The following NTM variants were observed in gnomAD, a reference collection of about 807,000 sequenced individuals.
NTM encodes the protein neurotrimin.
In NTM, 13 loss-of-function variants were observed where a neutral mutation model predicts 42.1. The observed-to-expected ratio is 0.31, with a 90% CI of 0.20 to 0.49. The LOEUF (loss-of-function observed/expected upper bound fraction) is 0.49, where lower values mean the gene tolerates loss of function less well. Among genes scored for constraint, NTM ranks in the 20% least tolerant of loss-of-function variants. The pLI is 0.99. For missense variants in NTM, 373 were observed against 452.8 expected, an observed-to-expected ratio of 0.82 and a Z score of 1.60; for synonymous variants, 187 against 179.2, an observed-to-expected ratio of 1.04 and a Z score of -0.35.
intron 1 of NTM, among the ~76,000 whole-genome samples, chr11:131,634,641 G>GA (rs68051318): frequency 0.23 from 33,537 of 147,776 alleles, 3,878 homozygotes; most frequent in African/African-American, 0.27. Context: ...CAACCCACTA[G>GA]AAAAAAGAAA....
chr11:131,596,685 C>T (rs10219244), intron 1 of NTM, among the ~76,000 whole-genome samples: 54,926 of 152,260 alleles, frequency 0.36, 12,877 homozygotes, highest in African/African-American at 0.67. Flanking sequence ...GTCTTCTACC[C>T]GTGTCCCTGT....
intron 1 of NTM, among the ~76,000 whole-genome samples, chr11:131,582,841 A>G (rs1565664986): frequency 6.6e-6 from 1 of 152,056 alleles, no homozygotes; most frequent in Non-Finnish European, 1.5e-5. Context: ...CGTTTGGGGT[A>G]ATGCCATCGC....
intron 3 of NTM, among the ~76,000 whole-genome samples, chr11:132,190,944 GT>G (rs60444346): frequency 1.6e-4 from 24 of 150,536 alleles, no homozygotes; most frequent in Middle Eastern, 3.5e-3. Flanking sequence ...GATATTATTT[GT>G]TTTTTTTTGT....
At chr11:132,253,177 T>G (rs1196916438) in intron 4 of NTM, among the ~76,000 whole-genome samples, 1 of 152,194 alleles carries the variant, frequency 6.6e-6, no homozygotes, top group Admixed American at 6.5e-5. Flanking sequence ...TCTGGTAATC[T>G]TCTATCTCAC....
chr11:131,794,452 G>A lies in NTM; in HGVS notation c.83-117112G>A, dbSNP rs142613384. ...GTGTAAGCGAATGCTGTCACATGAGGCGTTTGCCTTTCCTCCCCACCCGCC... is the reference window on the plus strand; with the variant it reads ...GTGTAAGCGAATGCTGTCACATGAGACGTTTGCCTTTCCTCCCCACCCGCC... On this transcript the variant is annotated intron_variant, in intron 1 of 8. Coordinates refer to ENST00000683400, the MANE Select transcript of NTM (RefSeq NM_001352005.2). 3.6e-5 allele frequency: 35 copies of A among 984,680 alleles called. 1 individual carries two copies. Among genetic ancestry groups the A allele is most frequent in the African/African-American group, 1.0e-4 (6 of 57,324 alleles). The allele number at this position is 984,680 out of a possible 1,614,324, so 61.0% of individuals were successfully genotyped here.
In NTM at chr11:131,481,824, C is replaced by T. The variant is rs565907194; in HGVS notation, c.82+110936C>T. On this transcript the variant is annotated intron_variant, in intron 1 of 8. Coordinates refer to ENST00000683400, the MANE Select transcript of NTM (RefSeq NM_001352005.2). ...TAAAAAAAATTAAAAAATAAAAAAT[C>T]CTTATTTACTTCTCTGGGACACATT... is the stretch of plus-strand genomic sequence containing the variant. 4.2e-4 allele frequency among the ~76,000 whole-genome samples: 64 copies of T among 152,276 alleles called. 1 individual carries two copies. Among genetic ancestry groups the T allele is most frequent in the South Asian group, 2.5e-3 (12 of 4,816 alleles).
intron 1 of NTM, among the ~76,000 whole-genome samples, chr11:131,457,410 G>GA (rs1484428735): frequency 1.3e-5 from 2 of 151,978 alleles, no homozygotes; most frequent in East Asian, 3.9e-4. Flanking sequence ...TGGGGGAAGG[G>GA]AGGAGAGCAG....
At chr11:131,628,242 G>C (rs746049206) in intron 1 of NTM, among the ~76,000 whole-genome samples, 3 of 152,176 alleles carry the variant, frequency 2.0e-5, no homozygotes, top group Non-Finnish European at 4.4e-5. Context: ...CTTATTCACA[G>C]ATCTTTCACG....
chr11:132,115,702 G>T (rs1431929961), intron 2 of NTM, among the ~76,000 whole-genome samples: 1 of 152,198 alleles, frequency 6.6e-6, no homozygotes, highest in Non-Finnish European at 1.5e-5. Context: ...CAGTGTTTCT[G>T]TGACCACTTG....
intron 2 of NTM, among the ~76,000 whole-genome samples, chr11:132,142,395 G>A (rs1316203970): frequency 6.6e-6 from 1 of 152,180 alleles, no homozygotes; most frequent in Non-Finnish European, 1.5e-5. Context: ...GAAGGACTAT[G>A]TCAAGGGCTG....
intron 1 of NTM, among the ~76,000 whole-genome samples, chr11:131,441,728 GTCTT>G (rs1949642383): frequency 1.3e-5 from 2 of 152,160 alleles, no homozygotes; most frequent in African/African-American, 2.4e-5. Flanking sequence ...GGCACCAACT[GTCTT>G]TTGCATTTGG....
chr11:131,939,620 C>T (rs1394156565), intron 2 of NTM, among the ~76,000 whole-genome samples: 1 of 152,014 alleles, frequency 6.6e-6, no homozygotes, highest in Non-Finnish European at 1.5e-5. Flanking sequence ...GCTGGCACAC[C>T]TTTGGTGTGA....
At chr11:131,833,894 C>A (rs7108504) in intron 1 of NTM, among the ~76,000 whole-genome samples, 6,310 of 152,214 alleles carry the variant, frequency 0.041, 441 homozygotes, top group African/African-American at 0.14. Context: ...AGACAGAAAT[C>A]TTCATTTCGA....
In NTM at chr11:132,146,201, T is replaced by C. The variant is rs897702013; in HGVS notation, c.168-81T>C. 3 of 1,557,094 alleles carry C rather than the reference T, an allele frequency of 1.9e-6. No homozygotes were observed. The highest frequency in any genetic ancestry group is 1.7e-6 in the Non-Finnish European group (2 of 1,149,640). ...GGGAAGGGAGAAAGACAAGATATTC[T>C]AGCCTTGCCATGAGGACCTCCCTCT... On this transcript the variant is annotated intron_variant, in intron 2 of 8. Coordinates refer to ENST00000683400, the MANE Select transcript of NTM (RefSeq NM_001352005.2). The surrounding 1 kb of genome is among the most constrained non-coding windows in gnomAD (Gnocchi z 4.5).
At chr11:132,164,806 G>A (rs985010979) in intron 3 of NTM, among the ~76,000 whole-genome samples, 1 of 152,060 alleles carries the variant, frequency 6.6e-6, no homozygotes, top group African/African-American at 2.4e-5. Context: ...GTTTTCCATG[G>A]GATGATTTAC....
At chr11:132,304,975 A>G (rs1208423844) in intron 4 of NTM, among the ~76,000 whole-genome samples, 5 of 152,156 alleles carry the variant, frequency 3.3e-5, no homozygotes, top group Non-Finnish European at 7.3e-5. Context: ...GCCTTCCCCA[A>G]AACTTGAGCC....
chr11:131,982,912 T>C (rs1020073754), intron 2 of NTM, among the ~76,000 whole-genome samples: 1 of 152,222 alleles, frequency 6.6e-6, no homozygotes, highest in Non-Finnish European at 1.5e-5. Flanking sequence ...AAATGGCTTA[T>C]GATTTTCATT....
intron 2 of NTM, among the ~76,000 whole-genome samples, chr11:131,958,388 G>A (rs1490170145): frequency 1.3e-5 from 2 of 152,136 alleles, no homozygotes; most frequent in Admixed American, 6.5e-5. Context: ...GCACAGGTAA[G>A]CCAAAACTTC....
intron 1 of NTM, among the ~76,000 whole-genome samples, chr11:131,755,340 C>G (rs1319105615): frequency 6.6e-6 from 1 of 152,100 alleles, no homozygotes; most frequent in Non-Finnish European, 1.5e-5. Flanking sequence ...GGGGTGAAGA[C>G]TGGCAAGGGA....
Sources: allele counts gnomAD v4.1 joint callset (sites outside exome capture counted in the v4.1 genomes callset), GRCh38; gene constraint gnomAD v4.1.1; non-coding constraint Gnocchi (gnomAD v3.1); transcripts MANE v1.5; gene names NCBI Gene and HGNC (gene_info 2026-07-23, HGNC 2026-07-21).